CYFIP1: variants seen among roughly 807,000 people sequenced by gnomAD.
CYFIP1 encodes the protein cytoplasmic FMR1-interacting protein 1.
A neutral mutation model predicts 163.5 loss-of-function variants in CYFIP1; 58 were observed. The ratio of observed to expected loss-of-function variants is 0.35; its 90% CI spans 0.29 to 0.44. CYFIP1 has a LOEUF of 0.44. Among genes scored for constraint, CYFIP1 ranks in the 20% least tolerant of loss-of-function variants. CYFIP1 has a pLI of 1.00. For missense variants in CYFIP1, 1,338 were observed against 1,653.8 expected, an observed-to-expected ratio of 0.81 and a Z score of 3.31; for synonymous variants, 663 against 660.7, an observed-to-expected ratio of 1.00 and a Z score of -0.05.
chr15:22,907,417 G>A (rs558496199), intron 21 of CYFIP1, among the ~76,000 whole-genome samples: 3 of 152,290 alleles, frequency 2.0e-5, no homozygotes, highest in African/African-American at 7.2e-5. Flanking sequence ...ATCGGCCTTC[G>A]GAAGTCTCAT....
chr15:22,976,218 C>A lies in CYFIP1; in HGVS notation c.-7+4069G>T, dbSNP rs553041931. 1.7e-4 allele frequency among the ~76,000 whole-genome samples: 26 copies of A among 151,692 alleles called. No individual in the cohort carries two copies. In the South Asian group the frequency reaches 5.0e-3, roughly 29 times the overall value. ...TGTTGCCCAGGCTGGACTGCAGTGG[C>A]GCGATCTCGGCTCACCACAACCTCC... is the stretch of plus-strand genomic sequence containing the variant. On this transcript the variant is annotated intron_variant, in intron 1 of 30. Coordinates refer to ENST00000617928, the MANE Select transcript of CYFIP1 (RefSeq NM_014608.6).
Position 22,880,006 on chromosome 15 carries a change from G to C in CYFIP1, c.2949C>G (p.Ile983Met). The C allele has an allele frequency of 6.2e-7, 1 of 1,613,936 alleles. No homozygotes were observed. Among genetic ancestry groups the C allele is most frequent in the Non-Finnish European group, 8.5e-7 (1 of 1,179,956 alleles). ...CCGTCTTCAGCTCTGCGTACTCCAC[G>C]ATGTCCTTCAGCTGGTGGTGGAAGA... is the stretch of plus-strand genomic sequence containing the variant. The part of the protein sequence containing the change: ...LEFFHHQLKD[I>M]VEYAELKTVC... The change falls in exon 26 of 31, where the codon ATC becomes ATG. Residue 983 changes from isoleucine (I) to methionine (M), a missense_variant. Transcript: ENST00000617928.
chr15:22,926,369 C>T (rs2061357853), intron 12 of CYFIP1, among the ~76,000 whole-genome samples: 1 of 152,124 alleles, frequency 6.6e-6, no homozygotes, highest in African/African-American at 2.4e-5. Flanking sequence ...GGCATTTCAT[C>T]ATCATTTTAA....
At chr15:22,870,214 T>C (rs760003014) in intron 30 of CYFIP1, 22 bp from the exon 31 acceptor site, 6 of 1,594,776 alleles carry the variant, frequency 3.8e-6, no homozygotes, top group Non-Finnish European at 5.1e-6. Flanking sequence ...AAAGTGAGGA[T>C]GTTTTACTAT....
At chr15:22,908,544 T>A (rs2060665145) in intron 21 of CYFIP1, among the ~76,000 whole-genome samples, 1 of 109,046 alleles carries the variant, frequency 9.2e-6, no homozygotes, top group South Asian at 3.2e-4. Context: ...TTTTTTTTTT[T>A]TTTGAGACAG....
chr15:22,893,260 G>A (rs899768393), intron 22 of CYFIP1, among the ~76,000 whole-genome samples: 3 of 152,210 alleles, frequency 2.0e-5, no homozygotes, highest in Admixed American at 6.5e-5. Flanking sequence ...CAGGTAGCTC[G>A]TGGGCTCTGC....
chr15:22,913,208 A>G (rs367940007), intron 17 of CYFIP1, among the ~76,000 whole-genome samples: 2 of 150,362 alleles, frequency 1.3e-5, no homozygotes, highest in East Asian at 2.0e-4. Context: ...TTGGGGGGAA[A>G]AAAAAAAAGA....
At chr15:22,912,494 A>G in intron 17 of CYFIP1, 1 of 459,294 alleles carries the variant, frequency 2.2e-6, no homozygotes, top group Non-Finnish European at 3.8e-6. Flanking sequence ...GGGACAGCAG[A>G]CGCTCACTGA....
intron 13 of CYFIP1, among the ~76,000 whole-genome samples, chr15:22,920,141 G>C (rs2061123540): frequency 6.9e-6 from 1 of 144,290 alleles, no homozygotes; most frequent in South Asian, 2.3e-4. Flanking sequence ...GTATTTGACA[G>C]ATTCAAAATT....
chr15:22,919,131 C>T (rs1443412505), intron 13 of CYFIP1, among the ~76,000 whole-genome samples: 1 of 152,158 alleles, frequency 6.6e-6, no homozygotes, highest in Non-Finnish European at 1.5e-5. Flanking sequence ...GCACACCCTC[C>T]TGTGATGGAA....
intron 1 of CYFIP1, among the ~76,000 whole-genome samples, chr15:22,977,398 G>A (rs1011624274): frequency 6.6e-5 from 10 of 151,996 alleles, no homozygotes; most frequent in African/African-American, 2.2e-4. Context: ...TGATACTATT[G>A]CACTGGCTAA....
At chr15:22,930,081 G>A (rs1010870153) in intron 11 of CYFIP1, among the ~76,000 whole-genome samples, 3 of 145,382 alleles carry the variant, frequency 2.1e-5, no homozygotes, top group Admixed American at 6.9e-5. Context: ...CTCAGAGGCC[G>A]GGTGCGGTGG....
chr15:22,946,689 A>C (rs1159830924), intron 3 of CYFIP1: 4 of 485,960 alleles, frequency 8.2e-6, no homozygotes, highest in Non-Finnish European at 1.1e-5. Flanking sequence ...TATAAATCTA[A>C]ATCTCATATG....
chr15:22,903,443 T>C (rs1387768889), intron 22 of CYFIP1, among the ~76,000 whole-genome samples: 1 of 152,102 alleles, frequency 6.6e-6, no homozygotes, highest in Non-Finnish European at 1.5e-5. Flanking sequence ...CTCACCCCAC[T>C]TCCACCATCA....
At chr15:22,879,798 C>A in intron 26 of CYFIP1, 115 bp downstream of exon 26, 5 of 719,002 alleles carry the variant, frequency 7.0e-6, no homozygotes, top group East Asian at 2.8e-5. Context: ...AAAAATGATG[C>A]ACAGCTGTTG....
chr15:22,968,182 C>T (rs1023089536), intron 1 of CYFIP1, among the ~76,000 whole-genome samples: 3 of 152,032 alleles, frequency 2.0e-5, no homozygotes, highest in African/African-American at 7.2e-5. Context: ...TATTTAAATA[C>T]AAAATAAAAA....
intron 13 of CYFIP1, among the ~76,000 whole-genome samples, chr15:22,920,190 G>T (rs540152102): frequency 8.5e-6 from 1 of 118,230 alleles, no homozygotes; most frequent in Non-Finnish European, 1.7e-5. Flanking sequence ...TTTGAGACAG[G>T]GTCTCACTCT....
At chr15:22,888,231 C>T (rs2059978832) in intron 23 of CYFIP1, among the ~76,000 whole-genome samples, 1 of 152,124 alleles carries the variant, frequency 6.6e-6, no homozygotes, top group Admixed American at 6.5e-5. Context: ...CCTGTGTATT[C>T]CATAATCACA....
rs181928454 is a variant in CYFIP1, at chr15:22,916,724, C to T, written c.1675-94G>A. On this transcript the variant is annotated intron_variant, in intron 15 of 30. Transcript: ENST00000617928. ...AAAGCCCATGAGAGAAGGACTGCTC[C>T]GCTACGCCCTGGTCGGGAGGGCCCC... 1.0e-4 allele frequency: 162 copies of T among 1,613,860 alleles called. No homozygotes were observed. In the Admixed American group the frequency reaches 2.0e-3, roughly 20 times the overall value.
Sources: allele counts gnomAD v4.1 joint callset (sites outside exome capture counted in the v4.1 genomes callset), GRCh38; gene constraint gnomAD v4.1.1; transcripts MANE v1.5; gene names NCBI Gene and HGNC (gene_info 2026-07-23, HGNC 2026-07-21).